TMC2: variants seen among roughly 807,000 people sequenced by gnomAD.
TMC2 encodes transmembrane channel like 2.
A neutral mutation model predicts 105.9 loss-of-function variants in TMC2; 102 were observed. The observed-to-expected ratio is 0.96, with a 90% CI of 0.82 to 1.14. TMC2 has a LOEUF of 1.14. Among genes scored for constraint, TMC2 ranks in the 50% most tolerant of loss-of-function variants. The pLI is 0.00. For synonymous variants in TMC2, 402 were observed against 422.8 expected, an observed-to-expected ratio of 0.95 and a Z score of 0.60; for missense variants, 1,093 against 1,134.3, an observed-to-expected ratio of 0.96 and a Z score of 0.52.
chr20:2,579,593 T>C (rs927853294), intron 6 of TMC2, among the ~76,000 whole-genome samples: 1 of 151,754 alleles, frequency 6.6e-6, no homozygotes, highest in Non-Finnish European at 1.5e-5. Context: ...GGCTAATTTT[T>C]TTGTATATTT....
At chr20:2,581,461 C>T (rs1178577593) in intron 7 of TMC2, among the ~76,000 whole-genome samples, 4 of 152,330 alleles carry the variant, frequency 2.6e-5, no homozygotes, top group South Asian at 2.1e-4. Context: ...GCATTTTAAA[C>T]GTCACTGTCA....
chr20:2,574,112 T>A (rs1191391458), intron 5 of TMC2, among the ~76,000 whole-genome samples: 1 of 152,208 alleles, frequency 6.6e-6, no homozygotes, highest in Non-Finnish European at 1.5e-5. Flanking sequence ...ACCGTAAAAA[T>A]TATTGTCTAG....
In TMC2 at chr20:2,570,245, C is replaced by A. The variant is rs543636562; in HGVS notation, c.555-1934C>A. 2.0e-5 allele frequency among the ~76,000 whole-genome samples: 3 copies of A among 152,162 alleles called. 1 individual carries two copies. Among genetic ancestry groups the A allele is most frequent in the South Asian group, 4.2e-4 (2 of 4,816 alleles). On this transcript the variant is annotated intron_variant, in intron 4 of 19. Coordinates refer to ENST00000358864, the MANE Select transcript of TMC2 (RefSeq NM_080751.3). ...TATATGATTCTCTACCTAGAAAACC[C>A]TAAAGACTCTGCCAAAAGGCTCCTG...
At chr20:2,537,873 C>G (rs2085861233) in intron 2 of TMC2, among the ~76,000 whole-genome samples, 1 of 152,150 alleles carries the variant, frequency 6.6e-6, no homozygotes, top group African/African-American at 2.4e-5. Context: ...AGAAGCCACA[C>G]TCACAGGCTG....
At chr20:2,550,088 CA>C (rs1227600854) in intron 2 of TMC2, among the ~76,000 whole-genome samples, 1 of 151,686 alleles carries the variant, frequency 6.6e-6, no homozygotes, top group African/African-American at 2.4e-5. Context: ...GTGGCTGAGG[CA>C]AGAGAATCAC....
At chr20:2,613,156 G>T (rs2086453965) in intron 13 of TMC2, 38 bp from the exon 14 acceptor site, 1 of 1,595,166 alleles carries the variant, frequency 6.3e-7, no homozygotes, top group African/African-American at 1.3e-5. Flanking sequence ...AAGTGGGCAA[G>T]GTCTCCAACC....
At chr20:2,639,961 G>C (rs147013582) in intron 19 of TMC2, among the ~76,000 whole-genome samples, 6 of 152,274 alleles carry the variant, frequency 3.9e-5, no homozygotes, top group African/African-American at 1.2e-4. Context: ...AGATGCATAA[G>C]GAATGACTGA....
chr20:2,607,335 T>A (rs1385914495), intron 11 of TMC2, among the ~76,000 whole-genome samples: 4 of 152,154 alleles, frequency 2.6e-5, no homozygotes, highest in Non-Finnish European at 5.9e-5. Context: ...GACCTTCCCA[T>A]TCCTTTATCT....
intron 4 of TMC2, among the ~76,000 whole-genome samples, chr20:2,567,586 C>T (rs1385420103): frequency 6.6e-6 from 1 of 152,036 alleles, no homozygotes; most frequent in African/African-American, 2.4e-5. Flanking sequence ...TTTGTAGAGA[C>T]AGGGTCTCAC....
intron 7 of TMC2, among the ~76,000 whole-genome samples, chr20:2,589,269 CCTGTGTGTGTGTGTGTGTGTGTGT>C (rs1178130279): frequency 1.2e-5 from 1 of 84,712 alleles, no homozygotes; most frequent in Non-Finnish European, 2.2e-5. Flanking sequence ...TCCTATTTGC[CCTGTGTGTGTGTGTGTGTGTGTGT>C]GTGTGTGTGT....
At chr20:2,608,300 TTTATTATTATTA>T (rs61608674) in intron 11 of TMC2, among the ~76,000 whole-genome samples, 3,065 of 134,576 alleles carry the variant, frequency 0.023, 90 homozygotes, top group African/African-American at 0.065. Context: ...CTTATTTTTA[TTTATTATTATTA>T]TTATTATTAT....
intron 19 of TMC2, among the ~76,000 whole-genome samples, chr20:2,638,689 G>A (rs146135714): frequency 0.019 from 2,906 of 152,142 alleles, 49 homozygotes; most frequent in Non-Finnish European, 0.032. Flanking sequence ...GCTAATGTGT[G>A]TGTTGCATCT....
intron 5 of TMC2, among the ~76,000 whole-genome samples, chr20:2,577,627 C>T (rs936056691): frequency 1.3e-5 from 2 of 148,166 alleles, no homozygotes; most frequent in Non-Finnish European, 3.0e-5. Flanking sequence ...AAATTTTTCC[C>T]GTTTTGATGG....
chr20:2,601,941 A>G (rs905021304), intron 10 of TMC2, among the ~76,000 whole-genome samples, 172 bp from the exon 11 acceptor site: 2 of 152,220 alleles, frequency 1.3e-5, no homozygotes, highest in Non-Finnish European at 2.9e-5. Context: ...AATAACAACA[A>G]ACATATTTTT....
Position 2,641,555 on chromosome 20 carries a change from G to T in TMC2, c.*204G>T. The stretch of plus-strand genomic sequence containing the variant: ...GTGGCTTCACCTGTCCTTTAGGGAA[G>T]CTGGAGCCATCTCTGCACTAACTGC... On this transcript the variant is annotated 3_prime_UTR_variant, in exon 20 of 20. Transcript: ENST00000358864. 1 of 567,002 alleles carries T rather than the reference G, an allele frequency of 1.8e-6. No homozygotes were observed. Among genetic ancestry groups the T allele is most frequent in the Middle Eastern group, 4.7e-4 (1 of 2,116 alleles). 35.1% of individuals were successfully genotyped at this position (567,002 alleles called of 1,614,324 possible). A position where few individuals can be genotyped will look rare whatever the true frequency, so the allele number is the denominator to read the frequency against.
intron 6 of TMC2, 26 bp downstream of exon 6, chr20:2,579,253 T>C (rs1300042733): frequency 7.1e-7 from 1 of 1,418,258 alleles, no homozygotes; most frequent in Non-Finnish European, 1.0e-6. Context: ...TCACTGTTTT[T>C]TTAATTGGTT....
intron 7 of TMC2, among the ~76,000 whole-genome samples, chr20:2,585,127 C>A (rs1016427774): frequency 2.0e-5 from 3 of 152,188 alleles, no homozygotes; most frequent in African/African-American, 7.2e-5. Context: ...CTTTGAAATT[C>A]TTTCATGTAG....
At chr20:2,582,486 T>G (rs12624387) in intron 7 of TMC2, among the ~76,000 whole-genome samples, 8,222 of 152,012 alleles carry the variant, frequency 0.054, 325 homozygotes, top group African/African-American at 0.11. Context: ...TATATATATA[T>G]AGAGAGAGAG....
rs1017481333 is a variant in TMC2, at chr20:2,558,256, C to T, written c.83-200C>T. The T allele has an allele frequency of 4.2e-5, 55 of 1,317,466 alleles. No homozygotes were observed. The South Asian group carries it at 7.9e-4, about 19-fold the overall frequency. The allele number at this position is 1,317,466 out of a possible 1,614,324, so 81.6% of individuals were successfully genotyped here. ...AGAAGGCCAGAGAGTGACCTTCCTG[C>T]TTCTGCAGTTTTCTTAGTTTCCTTC... On this transcript the variant is annotated intron_variant, in intron 2 of 19. Transcript: ENST00000358864. The surrounding 1 kb of genome is among the most constrained non-coding windows in gnomAD (Gnocchi z 4.6).
Sources: gnomAD v4.1 joint callset for allele counts (sites outside exome capture counted in the v4.1 genomes callset) on GRCh38, gnomAD v4.1.1 for gene constraint, Gnocchi (gnomAD v3.1) non-coding constraint, MANE v1.5 for transcripts, NCBI Gene and HGNC (gene_info 2026-07-23, HGNC 2026-07-21) for gene names.